Variants in ESRRG observed in about 807,000 individuals in gnomAD.
ESRRG encodes estrogen related receptor gamma.
A neutral mutation model predicts 44.0 loss-of-function variants in ESRRG; 13 were observed. The ratio of observed to expected loss-of-function variants is 0.30; its 90% confidence interval spans 0.19 to 0.47. The LOEUF (loss-of-function observed/expected upper bound fraction) is 0.47. Ranked by LOEUF, ESRRG falls within the 20% of genes least tolerant of loss-of-function variation. The pLI is 1.00. For synonymous variants in ESRRG, 215 were observed against 214.6 expected (o/e 1.00, Z -0.02); for missense variants, 395 against 580.6 (o/e 0.68, Z 3.29).
At chr1:217,117,308 C>T (rs896325714) in intron 1 of ESRRG, among the ~76,000 whole-genome samples, 1 of 152,040 alleles carries the variant, frequency 6.6e-6, no homozygotes, top group African/African-American at 2.4e-5. Flanking sequence ...TAAAGTTGGC[C>T]AGCCATGGTG....
At chr1:216,612,245 T>C (rs925823151) in intron 3 of ESRRG, among the ~76,000 whole-genome samples, 1 of 151,946 alleles carries the variant, frequency 6.6e-6, no homozygotes, top group Non-Finnish European at 1.5e-5. Flanking sequence ...TGAAGAGATG[T>C]AGGGAGAAGG....
chr1:216,882,644 A>G (rs2096463208), intron 2 of ESRRG, among the ~76,000 whole-genome samples: 1 of 152,214 alleles, frequency 6.6e-6, no homozygotes, highest in Non-Finnish European at 1.5e-5. Context: ...TTAGGATTTC[A>G]ACTGTATTTG....
intron 3 of ESRRG, among the ~76,000 whole-genome samples, chr1:216,587,025 C>A (rs1260968377): frequency 6.6e-6 from 1 of 152,122 alleles, no homozygotes; most frequent in African/African-American, 2.4e-5. Flanking sequence ...ATTACTGATA[C>A]TTCAATACAA....
At chr1:216,633,959 T>C (rs2064769573) in intron 3 of ESRRG, among the ~76,000 whole-genome samples, 1 of 152,186 alleles carries the variant, frequency 6.6e-6, no homozygotes, top group Admixed American at 6.5e-5. Flanking sequence ...GATTATGGTA[T>C]TGGTTAAAAG....
intron 2 of ESRRG, among the ~76,000 whole-genome samples, chr1:216,854,404 C>T (rs932497403): frequency 6.7e-6 from 1 of 149,288 alleles, no homozygotes; most frequent in Non-Finnish European, 1.5e-5. Flanking sequence ...AAAAAACTCC[C>T]TAGATGTATT....
intron 3 of ESRRG, among the ~76,000 whole-genome samples, chr1:216,629,198 A>G (rs1272118765): frequency 2.0e-5 from 3 of 152,240 alleles, no homozygotes; most frequent in African/African-American, 7.2e-5. Context: ...AGAGATGGTC[A>G]ATATATCTTT....
intron 1 of ESRRG, among the ~76,000 whole-genome samples, chr1:217,084,285 T>TGTA (rs2091946914): frequency 6.6e-6 from 1 of 152,186 alleles, no homozygotes; most frequent in Admixed American, 6.5e-5. Context: ...AAGAACAGCT[T>TGTA]GTAGATAATG....
chr1:216,829,528 T>C (rs1472782554), intron 2 of ESRRG, among the ~76,000 whole-genome samples: 2 of 150,502 alleles, frequency 1.3e-5, no homozygotes, highest in Non-Finnish European at 2.9e-5. Context: ...AACCCAGACC[T>C]GCCTCACTCC....
At chr1:217,022,988 A>G (rs958553743) in intron 1 of ESRRG, among the ~76,000 whole-genome samples, 5 of 152,170 alleles carry the variant, frequency 3.3e-5, no homozygotes, top group African/African-American at 1.2e-4. Context: ...TGCTGGGATG[A>G]ACACATTTCT....
At chr1:217,136,754 C>T (rs534888256) in intron 1 of ESRRG, among the ~76,000 whole-genome samples, 1 of 152,222 alleles carries the variant, frequency 6.6e-6, no homozygotes, top group African/African-American at 2.4e-5. Context: ...ATTCTAGGTG[C>T]TTCCTTAAAA....
chr1:217,053,010 T>C (rs2086332076), intron 1 of ESRRG, among the ~76,000 whole-genome samples: 1 of 152,114 alleles, frequency 6.6e-6, no homozygotes, highest in African/African-American at 2.4e-5. Context: ...TATATCAAAA[T>C]TGCATATCCT....
intron 5 of ESRRG, among the ~76,000 whole-genome samples, chr1:216,523,855 A>G (rs1008736034): frequency 2.0e-5 from 3 of 151,944 alleles, no homozygotes; most frequent in Non-Finnish European, 4.4e-5. Flanking sequence ...ACAAAAAAAA[A>G]AAAAATCAAC....
intron 1 of ESRRG, among the ~76,000 whole-genome samples, chr1:217,133,631 T>TCTCTC (rs2092998462): frequency 4.3e-4 from 25 of 58,490 alleles, no homozygotes; most frequent in Non-Finnish European, 6.5e-4. Context: ...CTTTCTTTCT[T>TCTCTC]TCTCTCTCTC....
At chr1:216,850,767 T>C (rs1289190050) in intron 2 of ESRRG, among the ~76,000 whole-genome samples, 1 of 152,040 alleles carries the variant, frequency 6.6e-6, no homozygotes, top group Non-Finnish European at 1.5e-5. Context: ...GGAAATAAGA[T>C]TGATGATATT....
chr1:216,991,621 TGGG>T (rs1168555492), intron 1 of ESRRG, among the ~76,000 whole-genome samples: 3 of 4,830 alleles, frequency 6.2e-4, no homozygotes, highest in African/African-American at 1.6e-3. Flanking sequence ...TGGGATAGGA[TGGG>T]ATGGGATGGG....
At chr1:216,856,863 C>G (rs2095950836) in intron 2 of ESRRG, among the ~76,000 whole-genome samples, 1 of 152,136 alleles carries the variant, frequency 6.6e-6, no homozygotes. Context: ...ATACATTAAT[C>G]AAGTTGAGCC....
Position 216,504,047 on chromosome 1 carries a change from C to A in ESRRG, c.*2892G>T, listed in dbSNP as rs1005566033. 9.8e-5 allele frequency: 15 copies of A among 152,438 alleles called. No individual in the cohort carries two copies. In the East Asian group the frequency reaches 2.9e-3, roughly 29 times the overall value. The allele number at this position is 152,438 out of a possible 1,614,324, so 9.4% of individuals were successfully genotyped here. ...ATTTCCTATTTGTGAGATACTTACT[C>A]TTTTGTAATGCTGAGAGTTACTTAA... On this transcript the variant is annotated 3_prime_UTR_variant, in exon 7 of 7. Transcript: ENST00000408911.
chr1:217,110,347 A>G (rs986373412), intron 1 of ESRRG, among the ~76,000 whole-genome samples: 2 of 152,090 alleles, frequency 1.3e-5, no homozygotes, highest in African/African-American at 4.8e-5. Context: ...ACTTCTCATC[A>G]CTTTATCTTC....
At chr1:216,663,234 A>G (rs946468) in intron 2 of ESRRG, among the ~76,000 whole-genome samples, 26,825 of 152,156 alleles carry the variant, frequency 0.18, 2,467 homozygotes, top group Middle Eastern at 0.2. Context: ...GAAGTAGTGA[A>G]GATGCTCTGG....
Sources: allele counts gnomAD v4.1 joint callset (sites outside exome capture counted in the v4.1 genomes callset), GRCh38; gene constraint gnomAD v4.1.1; transcripts MANE v1.5; gene names NCBI Gene and HGNC (gene_info 2026-07-23, HGNC 2026-07-21).